The following EVA1A variants were observed in gnomAD, a reference collection of about 807,000 sequenced individuals.
EVA1A encodes protein eva-1 homolog A.
In EVA1A, 7 loss-of-function variants were observed where a neutral mutation model predicts 9.8. The ratio of observed to expected loss-of-function variants is 0.71; its 90% CI spans 0.41 to 1.34. The LOEUF (loss-of-function observed/expected upper bound fraction) is 1.34. Among genes scored for constraint, EVA1A ranks in the 40% most tolerant of loss-of-function variants. The pLI is 0.01. For missense variants in EVA1A, 206 were observed against 205.9 expected (o/e 1.00, Z 0.00); for synonymous variants, 90 against 85.6 (o/e 1.05, Z -0.28).
chr2:75,557,793 G>C (rs553191962), intron 1 of EVA1A, among the ~76,000 whole-genome samples: 1 of 152,356 alleles, frequency 6.6e-6, no homozygotes, highest in East Asian at 1.9e-4. Flanking sequence ...CTCTGTGGCT[G>C]GGGGCAGGGC....
intron 1 of EVA1A, among the ~76,000 whole-genome samples, chr2:75,552,401 A>G (rs530066898): frequency 2.6e-5 from 4 of 151,972 alleles, no homozygotes; most frequent in African/African-American, 9.7e-5. Context: ...TATCCTTCCC[A>G]CTGGATGCCA....
chr2:75,535,188 A>G (rs569463550), intron 1 of EVA1A, among the ~76,000 whole-genome samples: 1 of 152,068 alleles, frequency 6.6e-6, no homozygotes, highest in Non-Finnish European at 1.5e-5. Context: ...GCTCAACATC[A>G]CTTATCATCA....
intron 3 of EVA1A, among the ~76,000 whole-genome samples, chr2:75,494,691 A>G (rs1674144655): frequency 6.6e-6 from 1 of 152,240 alleles, no homozygotes; most frequent in African/African-American, 2.4e-5. Flanking sequence ...TGAACCAAGG[A>G]ACCCAGCTAA....
At chr2:75,541,419 T>C (rs917085304) in intron 1 of EVA1A, among the ~76,000 whole-genome samples, 3 of 152,072 alleles carry the variant, frequency 2.0e-5, no homozygotes, top group Non-Finnish European at 4.4e-5. Flanking sequence ...TCCTGTGAGG[T>C]AAGACACAGG....
At chr2:75,533,164 A>G (rs1675737331) in intron 1 of EVA1A, among the ~76,000 whole-genome samples, 1 of 151,220 alleles carries the variant, frequency 6.6e-6, no homozygotes, top group East Asian at 1.9e-4. Flanking sequence ...AAAAAAAAAG[A>G]AAAAAGAAAG....
At chr2:75,511,740 C>T (rs186193463) in intron 3 of EVA1A, among the ~76,000 whole-genome samples, 113 of 152,232 alleles carry the variant, frequency 7.4e-4, no homozygotes, top group Non-Finnish European at 1.3e-3. Context: ...GAGCCATATT[C>T]ATTCACTGAT....
At chr2:75,536,642 G>A (rs74855716) in intron 1 of EVA1A, among the ~76,000 whole-genome samples, 2,350 of 152,146 alleles carry the variant, frequency 0.015, 57 homozygotes, top group African/African-American at 0.054. Flanking sequence ...CCCTGCAGAT[G>A]ACAAAAAATA....
chr2:75,555,110 T>C (rs1467044186), intron 1 of EVA1A, among the ~76,000 whole-genome samples: 12 of 152,162 alleles, frequency 7.9e-5, no homozygotes, highest in Admixed American at 7.9e-4. Context: ...ATCAATTGTC[T>C]AATCAATAAG....
chr2:75,532,379 A>G (rs1048786983), intron 1 of EVA1A, among the ~76,000 whole-genome samples: 2 of 152,154 alleles, frequency 1.3e-5, no homozygotes, highest in Non-Finnish European at 2.9e-5. Context: ...TCTGGTAATT[A>G]AAAGAAAAGG....
chr2:75,496,797 G>A (rs968851503), intron 3 of EVA1A, among the ~76,000 whole-genome samples: 4 of 152,126 alleles, frequency 2.6e-5, no homozygotes, highest in African/African-American at 9.7e-5. Context: ...TATATTATAA[G>A]GCTACAGTAA....
chr2:75,509,202 T>G (rs1674725655), intron 3 of EVA1A, among the ~76,000 whole-genome samples: 1 of 152,158 alleles, frequency 6.6e-6, no homozygotes, highest in Admixed American at 6.5e-5. Flanking sequence ...AAATTTAAGT[T>G]GGTGAATTTT....
At chr2:75,496,493 C>T (rs1674216330) in intron 3 of EVA1A, among the ~76,000 whole-genome samples, 2 of 152,084 alleles carry the variant, frequency 1.3e-5, no homozygotes, top group African/African-American at 4.8e-5. Flanking sequence ...AGGATCTCTA[C>T]AACAAGAATT....
At chr2:75,495,849 A>G (rs966396636) in intron 3 of EVA1A, among the ~76,000 whole-genome samples, 15 of 152,222 alleles carry the variant, frequency 9.9e-5, no homozygotes, top group Non-Finnish European at 1.9e-4. Context: ...CTCAATCTTT[A>G]AAATAGCCCA....
intron 1 of EVA1A, among the ~76,000 whole-genome samples, chr2:75,552,570 A>T (rs1558692481): frequency 6.6e-6 from 1 of 152,186 alleles, no homozygotes; most frequent in Non-Finnish European, 1.5e-5. Context: ...ATTATTTCTC[A>T]CCTAGATGAT....
chr2:75,500,088 C>T (rs982798388), intron 3 of EVA1A, among the ~76,000 whole-genome samples: 3 of 152,204 alleles, frequency 2.0e-5, no homozygotes, highest in African/African-American at 7.2e-5. Context: ...CCCCACATCC[C>T]ATCTTACTAT....
intron 1 of EVA1A, among the ~76,000 whole-genome samples, chr2:75,530,091 C>G (rs1675590198): frequency 6.6e-6 from 1 of 151,984 alleles, no homozygotes; most frequent in Non-Finnish European, 1.5e-5. Flanking sequence ...AATAGAAATA[C>G]AAAGGATCAT....
chr2:75,493,523 A>C lies in EVA1A; in HGVS notation c.172T>G (p.Ser58Ala), dbSNP rs746752034. The C allele has an allele frequency of 6.2e-7, 1 of 1,614,216 alleles. No individual in the cohort carries two copies. Among genetic ancestry groups the C allele is most frequent in the Admixed American group, 1.7e-5 (1 of 60,026 alleles). Residue 58 changes from serine to alanine, a missense_variant, in exon 4 of 4, where the codon TCT (serine) becomes GCT (alanine). Ser to Ala is a moderately conservative substitution (Grantham distance 99). Transcript: ENST00000393913. ...LTLAALVIRI[S>A]CHTDCRRRPG... is the part of the protein sequence containing the mutation. ...CGCCGCCTGCAGTCTGTGTGGCAAGAGATCCTTATCACCAGAGCAGCCAGG... is the reference window on the plus strand; with the variant it reads ...CGCCGCCTGCAGTCTGTGTGGCAAGCGATCCTTATCACCAGAGCAGCCAGG...
At chr2:75,501,382 A>G (rs1048254865) in intron 3 of EVA1A, among the ~76,000 whole-genome samples, 6 of 152,236 alleles carry the variant, frequency 3.9e-5, no homozygotes, top group Non-Finnish European at 4.4e-5. Context: ...TTAGAGTTCT[A>G]TTAAAGATCA....
chr2:75,564,913 C>T (rs1317957933), upstream of EVA1A, among the ~76,000 whole-genome samples: 1 of 152,236 alleles, frequency 6.6e-6, no homozygotes, highest in Non-Finnish European at 1.5e-5. Context: ...TAAGGCACAA[C>T]ACCCAAAGGC....
Sources: gnomAD v4.1 joint callset for allele counts (sites outside exome capture counted in the v4.1 genomes callset) on GRCh38, gnomAD v4.1.1 for gene constraint, MANE v1.5 for transcripts, NCBI Gene and HGNC (gene_info 2026-07-23, HGNC 2026-07-21) for gene names.